DEUP1: variants seen among roughly 807,000 people sequenced by gnomAD.
DEUP1 encodes deuterosome assembly protein 1.
A neutral mutation model predicts 87.4 loss-of-function variants in DEUP1; 82 were observed. That is an observed-to-expected ratio of 0.94 (90% CI 0.78 to 1.13). The LOEUF (loss-of-function observed/expected upper bound fraction) is 1.13. DEUP1 is among the 50% of genes most tolerant of loss of function. The pLI is 0.00. For synonymous variants in DEUP1, 214 were observed against 222.7 expected (o/e 0.96, Z 0.35); for missense variants, 663 against 681.5 (o/e 0.97, Z 0.30).
intron 5 of DEUP1, among the ~76,000 whole-genome samples, chr11:93,367,558 A>G (rs1945483666): frequency 6.6e-6 from 1 of 152,154 alleles, no homozygotes; most frequent in African/African-American, 2.4e-5. Flanking sequence ...ACATATTGTA[A>G]AATTATTTGT....
intron 7 of DEUP1, among the ~76,000 whole-genome samples, chr11:93,374,412 G>A (rs1382662774): frequency 6.6e-6 from 1 of 152,156 alleles, no homozygotes; most frequent in Non-Finnish European, 1.5e-5. Context: ...ATGGTTTCAG[G>A]TCTTAGATTT....
chr11:93,418,925 C>T (rs1004005691), intron 13 of DEUP1, among the ~76,000 whole-genome samples: 63 of 150,628 alleles, frequency 4.2e-4, no homozygotes, highest in African/African-American at 1.4e-3. Flanking sequence ...AGTAAACTAT[C>T]GCAAGAACAA....
intron 7 of DEUP1, among the ~76,000 whole-genome samples, chr11:93,381,008 C>T (rs1346934879): frequency 6.6e-6 from 1 of 152,156 alleles, no homozygotes; most frequent in Non-Finnish European, 1.5e-5. Context: ...AAGATTTCTA[C>T]TCTCAGGAAA....
intron 13 of DEUP1, 67 bp from the exon 14 acceptor site, chr11:93,437,476 C>A: frequency 2.4e-6 from 3 of 1,242,934 alleles, no homozygotes; most frequent in Non-Finnish European, 3.4e-6. Flanking sequence ...ATGAAGCATG[C>A]CTGGAAATGG....
At chr11:93,369,929 CAAAA>C in intron 5 of DEUP1, 140 bp from the exon 6 acceptor site, 186 of 18,318 alleles carry the variant, frequency 0.01, no homozygotes, top group Middle Eastern at 0.019. Flanking sequence ...GACTCCGTCT[CAAAA>C]AAAAAAAAAA....
intron 13 of DEUP1, among the ~76,000 whole-genome samples, chr11:93,435,735 G>A (rs572841292): frequency 8.5e-5 from 13 of 152,232 alleles, no homozygotes; most frequent in Admixed American, 5.2e-4. Flanking sequence ...GGTGGCTCAC[G>A]CCTGTAATCC....
chr11:93,389,414 C>T (rs1430856863), intron 9 of DEUP1, among the ~76,000 whole-genome samples: 1 of 152,202 alleles, frequency 6.6e-6, no homozygotes, highest in Non-Finnish European at 1.5e-5. Context: ...AGAGCACAGA[C>T]TCTGGTGCTC....
rs559139295 is a variant in DEUP1, at chr11:93,377,385, T to A, written c.789+6105T>A. On this transcript the variant is annotated intron_variant, in intron 7 of 13. Coordinates refer to ENST00000298050, the MANE Select transcript of DEUP1 (RefSeq NM_181645.4). ...ATATAATGTCCCTTTTTGCCTTTTT[T>A]AACTGTTGTTGCTTTAAAATCTGTT... 8.5e-5 allele frequency among the ~76,000 whole-genome samples: 13 copies of A among 152,346 alleles called. No individual in the cohort carries two copies. In the East Asian group the frequency reaches 9.7e-4, roughly 11 times the overall value.
At position 93,385,443 on chromosome 11, in the gene DEUP1, C is replaced by T. The variant is rs369970732; in HGVS notation, c.835C>T (p.Arg279Cys). Residue 279 changes from arginine (R) to cysteine (C), a missense_variant, in exon 8 of 14, where the codon CGT becomes TGT. By Grantham distance (180) the Arg-to-Cys change is radical. Coordinates refer to ENST00000298050, the MANE Select transcript of DEUP1 (RefSeq NM_181645.4). ...AGAGGTAAAAAGTGAGTTACAGTCA[C>T]GTGATGATCTCTTGAGAATTATAGA... ...LSEVKSELQS[R>C]DDLLRIIEME... is the part of the protein sequence containing the mutation. 1.6e-5 allele frequency: 25 copies of T among 1,612,498 alleles called. No individual in the cohort carries two copies. Among genetic ancestry groups the T allele is most frequent in the East Asian group, 1.1e-4 (5 of 44,840 alleles).
At chr11:93,358,225 CG>C (rs1197537112) in intron 4 of DEUP1, among the ~76,000 whole-genome samples, 6 of 152,138 alleles carry the variant, frequency 3.9e-5, no homozygotes, top group Non-Finnish European at 8.8e-5. Context: ...ATGTTTTCAT[CG>C]TGTTAAAAAG....
intron 7 of DEUP1, 125 bp from the exon 8 acceptor site, chr11:93,385,273 A>T: frequency 1.2e-6 from 1 of 863,624 alleles, no homozygotes; most frequent in Non-Finnish European, 1.8e-6. Flanking sequence ...GAGACAGAAC[A>T]AGCAAAGGAC....
chr11:93,353,446 C>T (rs1331216933), intron 2 of DEUP1, among the ~76,000 whole-genome samples: 1 of 152,176 alleles, frequency 6.6e-6, no homozygotes, highest in Non-Finnish European at 1.5e-5. Flanking sequence ...ATCTACCGTT[C>T]TGGGGTCTGG....
At chr11:93,391,635 G>T (rs1355234425) in intron 9 of DEUP1, among the ~76,000 whole-genome samples, 2 of 151,214 alleles carry the variant, frequency 1.3e-5, no homozygotes, top group African/African-American at 4.9e-5. Flanking sequence ...TTGAACCCGG[G>T]AGGTGGAGGT....
intron 2 of DEUP1, 23 bp downstream of exon 2, chr11:93,332,311 T>G: frequency 6.3e-7 from 1 of 1,597,864 alleles, no homozygotes. Flanking sequence ...AAATTTCTGT[T>G]TAATAAGTAT....
chr11:93,332,376 T>C (rs753545743), intron 2 of DEUP1, 88 bp downstream of exon 2: 22 of 1,036,110 alleles, frequency 2.1e-5, no homozygotes, highest in African/African-American at 6.4e-5. Context: ...AAATTTACTA[T>C]TAATAGAAGG....
At chr11:93,372,524 C>A (rs1945792051) in intron 7 of DEUP1, among the ~76,000 whole-genome samples, 1 of 152,164 alleles carries the variant, frequency 6.6e-6, no homozygotes, top group African/African-American at 2.4e-5. Flanking sequence ...CCCACCGTGC[C>A]ACATCATATT....
chr11:93,340,355 G>A (rs78835338), intron 2 of DEUP1, among the ~76,000 whole-genome samples: 1,653 of 152,246 alleles, frequency 0.011, 33 homozygotes, highest in African/African-American at 0.038. Context: ...CATGATTGAC[G>A]TTTTCAAGGA....
intron 12 of DEUP1, among the ~76,000 whole-genome samples, chr11:93,409,870 A>G (rs1333563303): frequency 2.0e-5 from 3 of 152,158 alleles, no homozygotes; most frequent in African/African-American, 7.2e-5. Context: ...TAGTATTTAT[A>G]ATAATATTTC....
chr11:93,434,194 A>C (rs1948176762), intron 13 of DEUP1, among the ~76,000 whole-genome samples: 1 of 152,192 alleles, frequency 6.6e-6, no homozygotes, highest in Non-Finnish European at 1.5e-5. Flanking sequence ...CTTGCTGGTC[A>C]TAATTTCTGG....
Sources: gnomAD v4.1 joint callset for allele counts (sites outside exome capture counted in the v4.1 genomes callset) on GRCh38, gnomAD v4.1.1 for gene constraint, MANE v1.5 for transcripts, NCBI Gene and HGNC (gene_info 2026-07-23, HGNC 2026-07-21) for gene names.